Variants in PACSIN2 observed in about 807,000 individuals in gnomAD.
PACSIN2 encodes the protein protein kinase C and casein kinase substrate in neurons 2.
In PACSIN2, 25 loss-of-function variants were observed where a neutral mutation model predicts 63.8. That is an observed-to-expected ratio of 0.39 (90% CI 0.29 to 0.55). The LOEUF is 0.55. Ranked by LOEUF, PACSIN2 falls within the 20% of genes least tolerant of loss-of-function variation. The probability of loss-of-function intolerance (pLI) is 0.62; values close to 1 mark genes in which losing one functional copy is unlikely to be tolerated. For synonymous variants in PACSIN2, 255 were observed against 256.2 expected, an observed-to-expected ratio of 1.00 and a Z score of 0.05; for missense variants, 518 against 646.9, an observed-to-expected ratio of 0.80 and a Z score of 2.16.
chr22:42,972,242 C>T (rs1486429618), intron 1 of PACSIN2, among the ~76,000 whole-genome samples: 2 of 152,216 alleles, frequency 1.3e-5, no homozygotes, highest in African/African-American at 2.4e-5. Flanking sequence ...GTGCTGTGTC[C>T]ACTCAGGGTT....
In PACSIN2 at chr22:42,906,572, CTCAGGGGGAGGG is replaced by C. The variant is rs545599108; in HGVS notation, c.60+5437_60+5448del. Reference sequence around the variant, plus strand: ...ACCACAATGGAAATGTCCACTATAGCTCAGGGGGAGGGTCACCCACCAAAGAAGGGCAGGATC... The same window carrying C: ...ACCACAATGGAAATGTCCACTATAGCTCACCCACCAAAGAAGGGCAGGATC... On this transcript the variant is annotated intron_variant, in intron 2 of 10. Transcript: ENST00000263246. 1.9e-3 allele frequency among the ~76,000 whole-genome samples: 292 copies of C among 152,280 alleles called. 2 individuals are homozygous for C. Among genetic ancestry groups the C allele is most frequent in the Non-Finnish European group, 3.0e-3 (204 of 68,004 alleles).
At chr22:43,008,193 T>C (rs1253258189) in intron 1 of PACSIN2, among the ~76,000 whole-genome samples, 2 of 152,192 alleles carry the variant, frequency 1.3e-5, no homozygotes, top group Non-Finnish European at 2.9e-5. Context: ...AACATCTTTA[T>C]TATGATTATT....
At chr22:43,011,812 G>T (rs958420889) in intron 1 of PACSIN2, among the ~76,000 whole-genome samples, 2 of 151,844 alleles carry the variant, frequency 1.3e-5, no homozygotes, top group African/African-American at 4.8e-5. Flanking sequence ...AGGAGTTCCA[G>T]ATCAGCCTGG....
chr22:42,882,688 C>T (rs1427223661), intron 6 of PACSIN2, among the ~76,000 whole-genome samples: 2 of 152,160 alleles, frequency 1.3e-5, no homozygotes, highest in Non-Finnish European at 2.9e-5. Flanking sequence ...CATCTCTGTC[C>T]AGAAAAGCTT....
intron 2 of PACSIN2, among the ~76,000 whole-genome samples, chr22:42,907,004 G>A (rs1025472698): frequency 6.6e-6 from 1 of 152,190 alleles, no homozygotes; most frequent in African/African-American, 2.4e-5. Flanking sequence ...GACTGCCCAA[G>A]CCCGCCCGGA....
At position 43,013,844 on chromosome 22, in the gene PACSIN2, A is replaced by ACC. The variant is rs1304944692; in HGVS notation, c.-78+1175_-78+1176dup. ...TAGCCCTGGAGACTCTGAGCAGCCT[A>ACC]CCCCCTTAACCACAAAAACACCGGA... On this transcript the variant is annotated intron_variant, in intron 1 of 10. Transcript: ENST00000263246. Among the ~76,000 whole-genome samples the ACC allele has an allele frequency of 2.0e-5, 3 of 152,068 alleles. No individual in the cohort carries two copies. The East Asian group carries it at 5.8e-4, about 29-fold the overall frequency.
intron 2 of PACSIN2, among the ~76,000 whole-genome samples, chr22:42,910,909 AT>A (rs67845012): frequency 3.4e-4 from 50 of 146,818 alleles, no homozygotes; most frequent in Non-Finnish European, 3.0e-4. Context: ...TTAACACATA[AT>A]TTTTTTTTTT....
intron 1 of PACSIN2, among the ~76,000 whole-genome samples, chr22:42,935,116 G>A (rs1426898642): frequency 9.3e-5 from 14 of 150,134 alleles, no homozygotes; most frequent in African/African-American, 3.4e-4. Flanking sequence ...CAGTAGAGTC[G>A]GGGTTTCACT....
intron 1 of PACSIN2, among the ~76,000 whole-genome samples, chr22:43,006,492 C>T (rs953067024): frequency 2.6e-5 from 4 of 152,152 alleles, no homozygotes; most frequent in Non-Finnish European, 5.9e-5. Flanking sequence ...GACATATTAA[C>T]CTCAAGGATC....
chr22:42,917,447 AAGT>A (rs1931886274), intron 1 of PACSIN2, among the ~76,000 whole-genome samples: 1 of 152,104 alleles, frequency 6.6e-6, no homozygotes, highest in South Asian at 2.1e-4. Flanking sequence ...TCTCTACAAA[AAGT>A]AGAAATTAAA....
intron 1 of PACSIN2, among the ~76,000 whole-genome samples, chr22:42,989,586 C>G (rs557115124): frequency 2.0e-5 from 3 of 148,512 alleles, no homozygotes; most frequent in African/African-American, 5.0e-5. Flanking sequence ...CACGAGGTCA[C>G]GAGTTCAAGA....
intron 10 of PACSIN2, among the ~76,000 whole-genome samples, chr22:42,875,165 T>TCC (rs1569203058): frequency 2.0e-5 from 3 of 150,848 alleles, no homozygotes; most frequent in Non-Finnish European, 3.0e-5. Context: ...TTTTTTTTTT[T>TCC]TAAGAGATGG....
At chr22:42,963,145 A>G (rs1601584867) in intron 1 of PACSIN2, among the ~76,000 whole-genome samples, 1 of 152,282 alleles carries the variant, frequency 6.6e-6, no homozygotes, top group Non-Finnish European at 1.5e-5. Context: ...TTCAACAAAC[A>G]TTAATGCCAG....
At chr22:43,003,389 G>A (rs936193356) in intron 1 of PACSIN2, among the ~76,000 whole-genome samples, 13 of 152,180 alleles carry the variant, frequency 8.5e-5, no homozygotes, top group Admixed American at 5.2e-4. Context: ...GGCGGATCAC[G>A]TCAGGAGATA....
At chr22:42,992,723 GTC>G (rs948357633) in intron 1 of PACSIN2, among the ~76,000 whole-genome samples, 11 of 152,172 alleles carry the variant, frequency 7.2e-5, no homozygotes, top group African/African-American at 2.7e-4. Flanking sequence ...CAGCCCAAAC[GTC>G]TGTCAATAGG....
chr22:42,900,940 C>A (rs1182629176), intron 2 of PACSIN2, among the ~76,000 whole-genome samples: 1 of 152,206 alleles, frequency 6.6e-6, no homozygotes, highest in South Asian at 2.1e-4. Context: ...CGTGTGCTTC[C>A]AGCCAGCCCT....
intron 1 of PACSIN2, among the ~76,000 whole-genome samples, chr22:42,916,433 G>T (rs1474654415): frequency 1.3e-5 from 2 of 150,526 alleles, no homozygotes; most frequent in Non-Finnish European, 3.0e-5. Flanking sequence ...GGGAAGGGGG[G>T]CCTTGAGGGC....
intron 1 of PACSIN2, among the ~76,000 whole-genome samples, chr22:42,917,674 T>G (rs1931902516): frequency 6.6e-6 from 1 of 152,190 alleles, no homozygotes; most frequent in East Asian, 1.9e-4. Flanking sequence ...TGTGCCGTGA[T>G]GAACTACTGC....
intron 5 of PACSIN2, among the ~76,000 whole-genome samples, chr22:42,885,343 G>A (rs987862879): frequency 1.3e-5 from 2 of 152,134 alleles, no homozygotes; most frequent in South Asian, 4.2e-4. Context: ...TGGCCAGGTG[G>A]TTTTGTTAGT....
Sources: gnomAD v4.1 joint callset for allele counts (sites outside exome capture counted in the v4.1 genomes callset) on GRCh38, gnomAD v4.1.1 for gene constraint, MANE v1.5 for transcripts, NCBI Gene and HGNC (gene_info 2026-07-23, HGNC 2026-07-21) for gene names.